LRRC37B: variants seen among roughly 807,000 people sequenced by gnomAD.
LRRC37B encodes the protein leucine-rich repeat-containing protein 37B.
A neutral mutation model predicts 98.3 loss-of-function variants in LRRC37B; 28 were observed. The observed-to-expected ratio is 0.28, with a 90% CI of 0.21 to 0.39. The LOEUF (loss-of-function observed/expected upper bound fraction) is 0.39. LRRC37B is among the 10% of genes least tolerant of loss of function. LRRC37B has a pLI of 1.00. For synonymous variants in LRRC37B, 364 were observed against 442.7 expected, an observed-to-expected ratio of 0.82 and a Z score of 2.23; for missense variants, 938 against 1,182.7, an observed-to-expected ratio of 0.79 and a Z score of 3.03.
At chr17:32,043,029 G>C (rs1005241078) in intron 7 of LRRC37B, among the ~76,000 whole-genome samples, 1 of 151,888 alleles carries the variant, frequency 6.6e-6, no homozygotes, top group African/African-American at 2.4e-5. Flanking sequence ...GGTTCTTAGG[G>C]GCTGCACACT....
chr17:32,022,635 T>A (rs1248304207), exon 1 of LRRC37B: 1 of 1,613,990 alleles, frequency 6.2e-7, no homozygotes, highest in Admixed American at 1.7e-5. Flanking sequence ...AAAGTTAGAA[T>A]CTTCGCAGGA....
upstream of LRRC37B, chr17:32,017,916 C>T (rs1910682006): frequency 5.7e-6 from 1 of 175,708 alleles, no homozygotes; most frequent in African/African-American, 2.4e-5. Context: ...CCATTATATT[C>T]AGGAAGTTTT....
intron 3 of LRRC37B, among the ~76,000 whole-genome samples, 172 bp from the exon 7 acceptor site, chr17:32,030,484 C>G (rs1291921960): frequency 6.6e-6 from 1 of 150,398 alleles, no homozygotes; most frequent in African/African-American, 2.4e-5. Context: ...AGGCGAGACT[C>G]TAGGAGAGGT....
At chr17:32,024,353 G>A (rs556780900) in intron 1 of LRRC37B, 9 of 585,940 alleles carry the variant, frequency 1.5e-5, no homozygotes, top group African/African-American at 1.1e-4. Flanking sequence ...ATAAGCTTAT[G>A]CCCATTTTTC....
In LRRC37B at chr17:32,022,219, A is replaced by G. The variant is rs763405968; in HGVS notation, c.1154A>G (p.Asn385Ser). Residue 385 changes from asparagine (N) to serine (S), a missense_variant, in exon 1 of 12, where the codon AAT (asparagine) becomes AGT (serine). This residue lies in a region of LRRC37B where 610 missense variants were observed against 625.6 expected (regional missense o/e 0.98). Coordinates refer to ENST00000327564, the Ensembl canonical transcript of LRRC37B. The stretch of plus-strand genomic sequence containing the variant: ...GTTACCATGACTTCAGAGCCTAAAA[A>G]TGAGACAGAATCTACCCAAGCCCAG... 24 of 1,612,924 alleles carry G rather than the reference A, an allele frequency of 1.5e-5. No homozygotes were observed. The East Asian group carries it at 5.1e-4, about 34-fold the overall frequency.
chr17:32,025,037 T>TTG (rs1910912774), intron 2 of LRRC37B, among the ~76,000 whole-genome samples: 1 of 119,222 alleles, frequency 8.4e-6, no homozygotes, highest in Non-Finnish European at 1.9e-5. Context: ...CTCGTTTTTT[T>TTG]TTTTTTTTTT....
At chr17:32,018,856 A>G (rs1368866848), upstream of LRRC37B, among the ~76,000 whole-genome samples, 2 of 152,148 alleles carry the variant, frequency 1.3e-5, no homozygotes, top group East Asian at 1.9e-4. Context: ...TCGGTCAACA[A>G]TAGACCACAT....
rs1439002035 is a variant in LRRC37B, at chr17:32,048,898, AAAAGACACAAAAGAGATGTGTTC to A, written c.2465-194_2465-172del. On this transcript the variant is annotated intron_variant, in intron 9 of 11. Coordinates refer to ENST00000327564, the Ensembl canonical transcript of LRRC37B. ...CTAGTGTAAAAGACACAACTAATGT[AAAAGACACAAAAGAGATGTGTTC>A]AAAGACACATCTCTGAAAACACAAA... is the stretch of plus-strand genomic sequence containing the variant. The A allele has an allele frequency of 1.6e-5, 24 of 1,488,342 alleles. 1 individual carries two copies. Among genetic ancestry groups the A allele is most frequent in the African/African-American group, 2.8e-5 (2 of 70,406 alleles). The allele number at this position is 1,488,342 out of a possible 1,614,324, so 92.2% of individuals were successfully genotyped here.
chr17:32,016,422 C>T (rs1388587546), upstream of LRRC37B, among the ~76,000 whole-genome samples: 10 of 152,258 alleles, frequency 6.6e-5, no homozygotes, highest in East Asian at 1.5e-3. Flanking sequence ...CTTTTGTAGG[C>T]GTATATTAAT....
chr17:32,020,940 G>A (rs974409042), upstream of LRRC37B: 33 of 1,451,444 alleles, frequency 2.3e-5, no homozygotes, highest in South Asian at 3.0e-5. Flanking sequence ...GGGGTGTTCC[G>A]GCCTGGCGGG....
rs199856751 is a variant in LRRC37B, at chr17:32,022,416, A to G, written c.1351A>G (p.Ser451Gly). 4 of 1,613,338 alleles carry G rather than the reference A, an allele frequency of 2.5e-6. No individual in the cohort carries two copies. ...AGTTCAACCTCTGGACCTGGAGCTTAGCATAACTACAGAGCCTACTACAGA... is the reference window on the plus strand; with the variant it reads ...AGTTCAACCTCTGGACCTGGAGCTTGGCATAACTACAGAGCCTACTACAGA... The change falls in exon 1 of 12, where the codon AGC (serine) becomes GGC (glycine). Residue 451 changes from serine (S) to glycine (G), a missense_variant. Coordinates refer to ENST00000327564, the Ensembl canonical transcript of LRRC37B.
At chr17:32,015,029 G>A (rs1466342469) in intron 1 of LRRC37B, among the ~76,000 whole-genome samples, 1 of 152,156 alleles carries the variant, frequency 6.6e-6, no homozygotes, top group African/African-American at 2.4e-5. Context: ...CTACTTGGGA[G>A]TGAGGCAGGC....
chr17:32,008,368 C>T (rs1910458312), intron 1 of LRRC37B, among the ~76,000 whole-genome samples: 1 of 152,200 alleles, frequency 6.6e-6, no homozygotes, highest in African/African-American at 2.4e-5. Flanking sequence ...GCTTGCTCCC[C>T]GTCCCCCCAA....
intron 7 of LRRC37B, among the ~76,000 whole-genome samples, chr17:32,038,929 G>A (rs1372927663): frequency 2.6e-5 from 4 of 152,270 alleles, no homozygotes; most frequent in African/African-American, 9.6e-5. Context: ...ATTTTGATCA[G>A]CTTTAAGTTA....
chr17:32,039,286 G>A (rs1325419023), intron 7 of LRRC37B, among the ~76,000 whole-genome samples: 1 of 150,546 alleles, frequency 6.6e-6, no homozygotes, highest in Non-Finnish European at 1.5e-5. Flanking sequence ...CTTCTTTGTA[G>A]ATATAGGTAT....
chr17:32,045,786 A>C (rs770025401), exon 8 of LRRC37B: 3 of 1,600,466 alleles, frequency 1.9e-6, no homozygotes, highest in Non-Finnish European at 2.5e-6. Context: ...CTGCATTGCA[A>C]CACTGCATGT....
At chr17:32,044,826 G>C (rs948476884) in intron 7 of LRRC37B, among the ~76,000 whole-genome samples, 5 of 152,204 alleles carry the variant, frequency 3.3e-5, no homozygotes, top group South Asian at 4.1e-4. Context: ...GGGGGTCGAG[G>C]CTGCAGTTAG....
chr17:32,027,598 G>A (rs1911005958), intron 2 of LRRC37B, among the ~76,000 whole-genome samples, 171 bp from the exon 6 acceptor site: 1 of 151,946 alleles, frequency 6.6e-6, no homozygotes, highest in Admixed American at 6.6e-5. Context: ...GTGGTGGAGA[G>A]GGATGAACAC....
At chr17:32,023,795 C>A (rs1348786282) in intron 1 of LRRC37B, among the ~76,000 whole-genome samples, 2 of 152,072 alleles carry the variant, frequency 1.3e-5, no homozygotes, top group Non-Finnish European at 2.9e-5. Context: ...AAACCCAGGA[C>A]CAAGTATGCT....
Sources: allele counts gnomAD v4.1 joint callset (sites outside exome capture counted in the v4.1 genomes callset), GRCh38; gene constraint gnomAD v4.1.1; regional missense constraint gnomAD v4.1.1; transcripts MANE v1.5; gene names NCBI Gene and HGNC (gene_info 2026-07-23, HGNC 2026-07-21).